The following ANKS1A variants were observed in gnomAD, a reference collection of about 807,000 sequenced individuals.
ANKS1A encodes ankyrin repeat and sterile alpha motif domain containing 1A, also known as ankyrin repeat and SAM domain-containing protein 1A.
Under a neutral mutation model 120.3 loss-of-function variants are expected in ANKS1A, and 55 were observed. The observed-to-expected ratio is 0.46, with a 90% CI of 0.37 to 0.57. The LOEUF (loss-of-function observed/expected upper bound fraction) is 0.57, where lower values mean the gene tolerates loss of function less well. ANKS1A is among the 20% of genes least tolerant of loss of function. The pLI is 0.00. For missense variants in ANKS1A, 1,123 were observed against 1,480.3 expected, an observed-to-expected ratio of 0.76 and a Z score of 3.96; for synonymous variants, 590 against 604.7, an observed-to-expected ratio of 0.98 and a Z score of 0.36.
chr6:34,993,622 G>A, intron 9 of ANKS1A, among the ~76,000 whole-genome samples: 1 of 152,202 alleles, frequency 6.6e-6, no homozygotes, highest in East Asian at 1.9e-4. Flanking sequence ...ATAACCCTCA[G>A]GACCTCTGAA....
At chr6:34,947,943 G>C (rs1256864233) in intron 1 of ANKS1A, among the ~76,000 whole-genome samples, 3 of 152,212 alleles carry the variant, frequency 2.0e-5, no homozygotes, top group African/African-American at 4.8e-5. Context: ...TAGAGGTCCT[G>C]AGACAGGCTC....
At chr6:34,958,967 G>C (rs910161883) in intron 1 of ANKS1A, among the ~76,000 whole-genome samples, 4 of 152,208 alleles carry the variant, frequency 2.6e-5, no homozygotes, top group African/African-American at 9.6e-5. Context: ...GGTGGGGACT[G>C]TCCAGCGCTG....
At chr6:35,083,284 T>TG in intron 19 of ANKS1A, 58 bp downstream of exon 19, 1 of 1,605,682 alleles carries the variant, frequency 6.2e-7, no homozygotes, top group Non-Finnish European at 8.5e-7. Context: ...AAGGCAGCAA[T>TG]GGGGGCAGTA....
chr6:34,901,369 T>A (rs1389330590), intron 1 of ANKS1A, among the ~76,000 whole-genome samples: 2 of 152,188 alleles, frequency 1.3e-5, no homozygotes, highest in Non-Finnish European at 2.9e-5. Flanking sequence ...AAGCCTAGGA[T>A]TATGGGATGG....
chr6:35,097,650 A>C, the ANKS1A span, among the ~76,000 whole-genome samples: 4 of 145,132 alleles, frequency 2.8e-5, no homozygotes, highest in African/African-American at 5.3e-5. Flanking sequence ...AAAAAAAAAA[A>C]AAAAAAAACA....
chr6:34,912,184 T>C (rs1432055559), intron 1 of ANKS1A, among the ~76,000 whole-genome samples: 1 of 152,226 alleles, frequency 6.6e-6, no homozygotes, highest in Non-Finnish European at 1.5e-5. Flanking sequence ...AGGTAAACAG[T>C]TTATGTAAGT....
intron 11 of ANKS1A, 71 bp from the exon 12 acceptor site, chr6:35,054,028 C>A: frequency 7.7e-7 from 1 of 1,297,892 alleles, no homozygotes; most frequent in Non-Finnish European, 1.1e-6. Flanking sequence ...ACCCCACTGG[C>A]GCTGTGGTGA....
intron 3 of ANKS1A, among the ~76,000 whole-genome samples, chr6:34,981,349 A>G (rs1771896191): frequency 6.6e-6 from 1 of 152,194 alleles, no homozygotes; most frequent in African/African-American, 2.4e-5. Flanking sequence ...TAGCAGTGAT[A>G]TTATTGGTAT....
At chr6:34,961,505 A>G (rs1376017738) in intron 1 of ANKS1A, among the ~76,000 whole-genome samples, 1 of 152,236 alleles carries the variant, frequency 6.6e-6, no homozygotes, top group Admixed American at 6.5e-5. Context: ...TTTGCAGTGA[A>G]GTCACTATCT....
At chr6:35,015,688 G>A (rs374641979) in intron 10 of ANKS1A, among the ~76,000 whole-genome samples, 4 of 152,218 alleles carry the variant, frequency 2.6e-5, no homozygotes, top group Admixed American at 2.6e-4. Flanking sequence ...GAGAGGGGGC[G>A]ATGGGAGAAC....
intron 11 of ANKS1A, among the ~76,000 whole-genome samples, chr6:35,046,450 T>G (rs924270553): frequency 1.2e-3 from 183 of 152,204 alleles, no homozygotes; most frequent in African/African-American, 4.3e-3. Context: ...CAATTTATTA[T>G]CCTCTAAAAG....
intron 11 of ANKS1A, among the ~76,000 whole-genome samples, chr6:35,046,159 A>G (rs991972759): frequency 1.3e-5 from 2 of 152,194 alleles, no homozygotes; most frequent in African/African-American, 4.8e-5. Context: ...AATATGAGCC[A>G]GTTTCCCAGG....
At chr6:35,093,466 C>T (rs1778367688), downstream of ANKS1A, among the ~76,000 whole-genome samples, 1 of 151,872 alleles carries the variant, frequency 6.6e-6, no homozygotes, top group Admixed American at 6.6e-5. Context: ...CGTTATAAAA[C>T]CCTGAATCCA....
At chr6:34,946,591 A>G (rs1217572692) in intron 1 of ANKS1A, among the ~76,000 whole-genome samples, 3 of 151,740 alleles carry the variant, frequency 2.0e-5, no homozygotes, top group Non-Finnish European at 2.9e-5. Context: ...CTGTCTTGAA[A>G]AAAAAAAAAG....
At chr6:34,896,672 TA>T (rs1206445046) in intron 1 of ANKS1A, among the ~76,000 whole-genome samples, 1 of 151,402 alleles carries the variant, frequency 6.6e-6, no homozygotes, top group Non-Finnish European at 1.5e-5. Context: ...CTACAAAAAA[TA>T]AAAAAACTAG....
chr6:34,889,513 C>A lies in ANKS1A; in HGVS notation c.111C>A (p.Gly37=). The A allele has an allele frequency of 7.9e-7, 1 of 1,271,622 alleles. No individual in the cohort carries two copies. Among genetic ancestry groups the A allele is most frequent in the Non-Finnish European group, 9.8e-7 (1 of 1,017,988 alleles). 78.8% of individuals were successfully genotyped at this position (1,271,622 alleles called of 1,614,324 possible). The change falls in exon 1 of 24, where the codon GGC becomes GGA. Residue 37 remains glycine (G), a synonymous_variant. Transcript: ENST00000360359. The surrounding 1 kb of genome is among the most constrained non-coding windows in gnomAD (Gnocchi z 5.5). The stretch of plus-strand genomic sequence containing the variant: ...CCTCAGGCTTTGGGGGCGGCGGCGG[C>A]GGTGGCTCTGGGGGCGGCGGCGGCG... ...RLSSGFGGGG[G]GGSGGGGGGS...
chr6:34,903,317 C>CT (rs1322731352), intron 1 of ANKS1A, among the ~76,000 whole-genome samples: 2 of 151,716 alleles, frequency 1.3e-5, no homozygotes, highest in Non-Finnish European at 2.9e-5. Context: ...CTCTGTATCT[C>CT]TTTAACAGGC....
chr6:34,978,035 T>A (rs1286107105), intron 3 of ANKS1A, among the ~76,000 whole-genome samples: 1 of 152,082 alleles, frequency 6.6e-6, no homozygotes, highest in African/African-American at 2.4e-5. Context: ...CTTGGCTCAC[T>A]ACAACCTCTG....
intron 1 of ANKS1A, among the ~76,000 whole-genome samples, chr6:34,957,738 T>G (rs1314983065): frequency 6.6e-6 from 1 of 152,176 alleles, no homozygotes; most frequent in Admixed American, 6.5e-5. Context: ...TGAGAACTAA[T>G]GCAGGAGGAG....
Sources: gnomAD v4.1 joint callset for allele counts (sites outside exome capture counted in the v4.1 genomes callset) on GRCh38, gnomAD v4.1.1 for gene constraint, Gnocchi (gnomAD v3.1) non-coding constraint, MANE v1.5 for transcripts, NCBI Gene and HGNC (gene_info 2026-07-23, HGNC 2026-07-21) for gene names.